The following VPS13D variants were observed in gnomAD, a reference collection of about 807,000 sequenced individuals.
The protein encoded by VPS13D is intermembrane lipid transfer protein VPS13D.
Under a neutral mutation model 461.9 loss-of-function variants are expected in VPS13D, and 187 were observed. The observed-to-expected ratio is 0.40, with a 90% CI of 0.36 to 0.46. The LOEUF is 0.46. Among genes scored for constraint, VPS13D ranks in the 20% least tolerant of loss-of-function variants. VPS13D has a pLI of 0.60. For missense variants in VPS13D, 4,711 were observed against 5,364.9 expected (o/e 0.88, Z 3.81); for synonymous variants, 1,951 against 1,986.3 (o/e 0.98, Z 0.47).
At chr1:12,231,444 G>A (rs1215273362) in intron 1 of VPS13D, among the ~76,000 whole-genome samples, 1 of 152,206 alleles carries the variant, frequency 6.6e-6, no homozygotes, top group African/African-American at 2.4e-5. Context: ...TAAAATCTGT[G>A]CTTTGCATTC....
chr1:12,304,638 A>G lies in VPS13D; in HGVS notation c.6349A>G (p.Ser2117Gly), dbSNP rs570758247. 57 of 1,614,136 alleles carry G rather than the reference A, an allele frequency of 3.5e-5. No homozygotes were observed. In the South Asian group the frequency reaches 6.1e-4, roughly 17 times the overall value. Residue 2117 changes from serine (S) to glycine (G), a missense_variant, in exon 26 of 70, where the codon AGC (serine) becomes GGC (glycine). By Grantham distance (56) the Ser-to-Gly change is moderately conservative. Transcript: ENST00000620676. ...GCCTCTTGCTGGAATGAGCCTAGGA[A>G]GCCTGAAGAGTGAGTTTGTGCCCAG... ...TMPLAGMSLG[S>G]LKSEFVPSTS...
rs1255660727 is a variant in VPS13D at position 12,368,560 on chromosome 1, C to T, written c.10541C>T (p.Pro3514Leu). ...RISFSDTDQLPPPFRIDNFSK... is the reference protein window; with the variant it reads ...RISFSDTDQLLPPFRIDNFSK... ...TCATTTAGTGACACAGATCAGTTAC[C>T]TCCTCCTTTCCGAATTGACAACTTT... The change falls in exon 53 of 70, where the codon CCT (proline) becomes CTT (leucine). Residue 3514 changes from proline to leucine, a missense_variant. Pro to Leu is a moderately conservative substitution (Grantham distance 98). Transcript: ENST00000620676. The T allele has an allele frequency of 6.2e-7, 1 of 1,613,324 alleles. No individual in the cohort carries two copies. Among genetic ancestry groups the T allele is most frequent in the Non-Finnish European group, 8.5e-7 (1 of 1,179,662 alleles).
chr1:12,294,009 G>T (rs1400336452), intron 24 of VPS13D, among the ~76,000 whole-genome samples: 1 of 152,202 alleles, frequency 6.6e-6, no homozygotes, highest in African/African-American at 2.4e-5. Flanking sequence ...CTCTTGGAAA[G>T]TGGTAGGTTT....
chr1:12,398,302 G>T (rs1363555755), intron 60 of VPS13D, among the ~76,000 whole-genome samples: 1 of 151,962 alleles, frequency 6.6e-6, no homozygotes, highest in Non-Finnish European at 1.5e-5. Context: ...CTCTGCATTT[G>T]TATCCCACCT....
At chr1:12,308,735 C>T (rs1224155938) in intron 27 of VPS13D, 94 bp downstream of exon 27, 1 of 1,169,814 alleles carries the variant, frequency 8.5e-7, no homozygotes, top group Non-Finnish European at 1.2e-6. Flanking sequence ...CTGCAACCTC[C>T]ACCTCTGAGG....
intron 49 of VPS13D, among the ~76,000 whole-genome samples, chr1:12,357,987 G>A (rs1437928105): frequency 2.7e-5 from 4 of 148,690 alleles, no homozygotes; most frequent in Admixed American, 1.4e-4. Flanking sequence ...CTGGGCGACA[G>A]AGCAAGATTC....
chr1:12,315,284 T>C lies in VPS13D; in HGVS notation c.7148+957T>C, dbSNP rs992701122. Among the ~76,000 whole-genome samples, 3 of 152,368 alleles carry C rather than the reference T, an allele frequency of 2.0e-5. No individual in the cohort carries two copies. The East Asian group carries it at 5.8e-4, about 29-fold the overall frequency. ...AACAAAAAGTCATCAGGATTATTCT[T>C]ACATGTTTCTGTATGCCTGACATTT... On this transcript the variant is annotated intron_variant, in intron 30 of 69. Transcript: ENST00000620676.
At chr1:12,379,241 CTG>C (rs1644241059) in intron 56 of VPS13D, among the ~76,000 whole-genome samples, 1 of 152,198 alleles carries the variant, frequency 6.6e-6, no homozygotes, top group Non-Finnish European at 1.5e-5. Flanking sequence ...AGCCATATTA[CTG>C]TGTGTTATGA....
intron 12 of VPS13D, among the ~76,000 whole-genome samples, chr1:12,261,493 A>G (rs1177159387): frequency 2.0e-5 from 3 of 152,238 alleles, no homozygotes; most frequent in Admixed American, 2.0e-4. Flanking sequence ...GCTAACTAAA[A>G]TTTAATTCGA....
chr1:12,349,126 C>A (rs775482510), intron 45 of VPS13D, 38 bp from the exon 46 acceptor site: 11 of 1,612,158 alleles, frequency 6.8e-6, no homozygotes, highest in Non-Finnish European at 9.3e-6. Context: ...GGGTGGAGGA[C>A]CATTGCCTGA....
intron 43 of VPS13D, among the ~76,000 whole-genome samples, chr1:12,345,765 C>T (rs1643661906): frequency 6.6e-6 from 1 of 152,178 alleles, no homozygotes; most frequent in South Asian, 2.1e-4. Context: ...TGCTAGCTGG[C>T]CTGACTGGCA....
At chr1:12,395,210 G>A (rs1644479339) in intron 60 of VPS13D, among the ~76,000 whole-genome samples, 1 of 152,166 alleles carries the variant, frequency 6.6e-6, no homozygotes, top group African/African-American at 2.4e-5. Context: ...GACAAAGGTG[G>A]AAAGCTGATG....
intron 65 of VPS13D, among the ~76,000 whole-genome samples, chr1:12,451,404 G>T (rs141743182): frequency 1.7e-4 from 26 of 152,284 alleles, no homozygotes; most frequent in African/African-American, 6.0e-4. Flanking sequence ...CACAAGTATG[G>T]CATGTGTTGA....
At chr1:12,285,929 C>CTTCCTTTCCTTTCCT (rs57335089) in intron 21 of VPS13D, among the ~76,000 whole-genome samples, 31 of 104,318 alleles carry the variant, frequency 3.0e-4, no homozygotes, top group African/African-American at 1.1e-3. Flanking sequence ...GAATTTCTTT[C>CTTCCTTTCCTTTCCT]TTCCTTTCCT....
At chr1:12,269,958 G>A (rs1641385925) in intron 16 of VPS13D, among the ~76,000 whole-genome samples, 1 of 152,028 alleles carries the variant, frequency 6.6e-6, no homozygotes. Flanking sequence ...ACTAGCCTGG[G>A]CAACATAGTG....
At chr1:12,252,356 C>G (rs1640761445) in intron 6 of VPS13D, among the ~76,000 whole-genome samples, 1 of 152,176 alleles carries the variant, frequency 6.6e-6, no homozygotes, top group Admixed American at 6.5e-5. Flanking sequence ...CCGCACACAT[C>G]CAGTGTTCCA....
chr1:12,319,482 C>T lies in VPS13D; in HGVS notation c.7415-15C>T, dbSNP rs536727983. ...TTCCCAGCTCTGGCTTGATTGACGA[C>T]GTTGTCCTTTCCAGGTACGGAGTTT... On this transcript the variant is annotated splice_polypyrimidine_tract_variant and intron_variant, in intron 31 of 69. Coordinates refer to ENST00000620676, the MANE Select transcript of VPS13D (RefSeq NM_015378.4). The T allele has an allele frequency of 1.7e-5, 28 of 1,613,868 alleles. 1 individual carries two copies. Among genetic ancestry groups the T allele is most frequent in the South Asian group, 1.6e-4 (15 of 91,054 alleles).
At chr1:12,477,651 G>A (rs555122548) in intron 67 of VPS13D, among the ~76,000 whole-genome samples, 68 of 152,090 alleles carry the variant, frequency 4.5e-4, no homozygotes, top group Non-Finnish European at 1.0e-3. Context: ...GGATAGATTC[G>A]GCAGGTCTAA....
rs986279983 is a variant in VPS13D, at chr1:12,409,669, A to AC, written c.12031-5417dup. Reference sequence around the variant, plus strand: ...GAAGAGTATTTGGCATGCCTTGTAAACACCTTGAAATATCAATCATTTTAA... The same window carrying AC: ...GAAGAGTATTTGGCATGCCTTGTAAACCACCTTGAAATATCAATCATTTTAA... On this transcript the variant is annotated intron_variant, in intron 63 of 69. Coordinates refer to ENST00000620676, the MANE Select transcript of VPS13D (RefSeq NM_015378.4). Among the ~76,000 whole-genome samples the AC allele has an allele frequency of 1.3e-3, 202 of 152,312 alleles. 1 individual carries two copies. Among genetic ancestry groups the AC allele is most frequent in the African/African-American group, 4.6e-3 (193 of 41,568 alleles).
Sources: allele counts gnomAD v4.1 joint callset (sites outside exome capture counted in the v4.1 genomes callset), GRCh38; gene constraint gnomAD v4.1.1; transcripts MANE v1.5; gene names NCBI Gene and HGNC (gene_info 2026-07-23, HGNC 2026-07-21).